The following PITPNC1 variants were observed in gnomAD, a reference collection of about 807,000 sequenced individuals.
PITPNC1 encodes phosphatidylinositol transfer protein cytoplasmic 1.
Under a neutral mutation model 44.7 loss-of-function variants are expected in PITPNC1, and 18 were observed. The ratio of observed to expected loss-of-function variants is 0.40; its 90% CI spans 0.28 to 0.60. PITPNC1 has a LOEUF of 0.60. Ranked by LOEUF, PITPNC1 falls within the 20% of genes least tolerant of loss-of-function variation. The probability of loss-of-function intolerance (pLI) is 0.39; values close to 1 mark genes in which losing one functional copy is unlikely to be tolerated. For synonymous variants in PITPNC1, 141 were observed against 149.6 expected, an observed-to-expected ratio of 0.94 and a Z score of 0.42; for missense variants, 290 against 418.4, an observed-to-expected ratio of 0.69 and a Z score of 2.68.
Position 67,543,208 on chromosome 17 carries a change from A to T in PITPNC1, c.198-9049A>T, listed in dbSNP as rs1323543255. On this transcript the variant is annotated intron_variant, in intron 2 of 8. Coordinates refer to ENST00000581322, the MANE Select transcript of PITPNC1 (RefSeq NM_012417.4). ...TCTTTAAGTAGAGCCAGATGGCGTC[A>T]TTCTGCCCTCATCACCCCCTACCTC... Among the ~76,000 whole-genome samples, 7 of 152,300 alleles carry T rather than the reference A, an allele frequency of 4.6e-5. No individual in the cohort carries two copies. In the East Asian group the frequency reaches 1.4e-3, roughly 29 times the overall value.
At chr17:67,577,599 A>T (rs973353322) in intron 4 of PITPNC1, among the ~76,000 whole-genome samples, 6 of 151,166 alleles carry the variant, frequency 4.0e-5, no homozygotes, top group African/African-American at 1.4e-4. Flanking sequence ...AATTAAAAAT[A>T]AAATTTAAAA....
intron 6 of PITPNC1, among the ~76,000 whole-genome samples, chr17:67,650,653 G>A (rs1481772698): frequency 6.6e-6 from 1 of 152,024 alleles, no homozygotes; most frequent in Non-Finnish European, 1.5e-5. Context: ...GTTTCACCAT[G>A]TTGGTCAGGC....
chr17:67,486,390 T>C lies in PITPNC1; in HGVS notation c.49-46412T>C, dbSNP rs117214219. On this transcript the variant is annotated intron_variant, in intron 1 of 8. Transcript: ENST00000581322. ...CTTAGCCTGCCTTTAATGAGTAATG[T>C]AGAAAAATAGACCTCTTCTTCCTCC... Among the ~76,000 whole-genome samples, 218 of 152,286 alleles carry C rather than the reference T, an allele frequency of 1.4e-3. 1 individual carries two copies. The highest frequency in any genetic ancestry group is 0.014 in the Middle Eastern group (4 of 294).
At chr17:67,391,278 A>G (rs753054562) in intron 1 of PITPNC1, among the ~76,000 whole-genome samples, 57 of 152,080 alleles carry the variant, frequency 3.7e-4, no homozygotes, top group Non-Finnish European at 1.2e-4. Flanking sequence ...ATGATACCCT[A>G]TAATAATGTT....
chr17:67,640,446 G>A (rs1247626848), intron 6 of PITPNC1, among the ~76,000 whole-genome samples: 1 of 151,982 alleles, frequency 6.6e-6, no homozygotes, highest in Non-Finnish European at 1.5e-5. Context: ...TTGGGAGGCC[G>A]AGGCAGGCGG....
intron 1 of PITPNC1, among the ~76,000 whole-genome samples, chr17:67,495,052 GTTTTTTTTTTTTTT>G: frequency 2.6e-5 from 1 of 38,586 alleles, no homozygotes; most frequent in East Asian, 7.6e-4. Flanking sequence ...TTTTTTTTTT[GTTTTTTTTTTTTTT>G]TTTTTTTTGA....
At chr17:67,647,461 T>TG (rs775756372) in intron 6 of PITPNC1, among the ~76,000 whole-genome samples, 2 of 106,598 alleles carry the variant, frequency 1.9e-5, no homozygotes, top group Admixed American at 1.1e-4. Flanking sequence ...CAGCTAATTT[T>TG]GGGTTTTTTT....
intron 4 of PITPNC1, among the ~76,000 whole-genome samples, chr17:67,575,623 G>A (rs2041130464): frequency 6.6e-6 from 1 of 152,062 alleles, no homozygotes; most frequent in Non-Finnish European, 1.5e-5. Context: ...CGTGGTCATT[G>A]TGCGGCTGAA....
chr17:67,674,501 C>CA (rs66932178), intron 7 of PITPNC1, among the ~76,000 whole-genome samples: 70,877 of 111,564 alleles, frequency 0.64, 23,746 homozygotes, highest in Non-Finnish European at 0.72. Flanking sequence ...AAGACTGTCT[C>CA]AAAAAAAAAA....
At chr17:67,675,632 A>G (rs1393458650) in intron 8 of PITPNC1, 90 bp downstream of exon 8, 1 of 854,374 alleles carries the variant, frequency 1.2e-6, no homozygotes, top group Non-Finnish European at 2.0e-6. Flanking sequence ...ACCTAGAAGG[A>G]CAACAACAAA....
At chr17:67,384,175 A>T (rs1567969624) in intron 1 of PITPNC1, among the ~76,000 whole-genome samples, 1 of 152,200 alleles carries the variant, frequency 6.6e-6, no homozygotes. Context: ...CACAATGCAG[A>T]AAAATAGAAA....
At chr17:67,672,800 G>A (rs184880184) in intron 7 of PITPNC1, among the ~76,000 whole-genome samples, 4 of 152,120 alleles carry the variant, frequency 2.6e-5, no homozygotes, top group Non-Finnish European at 5.9e-5. Flanking sequence ...ACCTGCTCTC[G>A]CACGTGAGTC....
intron 1 of PITPNC1, among the ~76,000 whole-genome samples, chr17:67,523,806 CGTTTTT>C (rs1199452332): frequency 3.1e-5 from 4 of 127,630 alleles, no homozygotes; most frequent in African/African-American, 8.8e-5. Context: ...ACATGGAAAC[CGTTTTT>C]TTTTTTTTTT....
At chr17:67,486,431 T>C (rs1219715236) in intron 1 of PITPNC1, among the ~76,000 whole-genome samples, 1 of 152,202 alleles carries the variant, frequency 6.6e-6, no homozygotes, top group Non-Finnish European at 1.5e-5. Context: ...CAAGTCTGTA[T>C]GTAGTCTTGC....
intron 1 of PITPNC1, among the ~76,000 whole-genome samples, chr17:67,499,513 G>A (rs186789187): frequency 2.0e-5 from 3 of 152,234 alleles, no homozygotes; most frequent in Non-Finnish European, 2.9e-5. Context: ...CACTGTGCCC[G>A]GCCAGCCTGA....
chr17:67,623,109 CAAAAAAAAAAAAAA>C (rs1198070826), intron 5 of PITPNC1, among the ~76,000 whole-genome samples: 1 of 85,292 alleles, frequency 1.2e-5, no homozygotes, highest in Non-Finnish European at 2.2e-5. Context: ...TCCCAAAAGC[CAAAAAAAAAAAAAA>C]AAAAAAAAAG....
At chr17:67,596,930 A>G (rs767044213) in intron 5 of PITPNC1, among the ~76,000 whole-genome samples, 7 of 151,080 alleles carry the variant, frequency 4.6e-5, no homozygotes, top group Non-Finnish European at 8.8e-5. Flanking sequence ...GTCTTCCTCT[A>G]TCACCCAGGC....
At chr17:67,428,344 A>C (rs2038802334) in intron 1 of PITPNC1, among the ~76,000 whole-genome samples, 1 of 151,958 alleles carries the variant, frequency 6.6e-6, no homozygotes, top group African/African-American at 2.4e-5. Context: ...TTCGAGACCA[A>C]CTTGGGCAAC....
chr17:67,533,252 C>A (rs2040487456), intron 2 of PITPNC1, among the ~76,000 whole-genome samples: 1 of 152,106 alleles, frequency 6.6e-6, no homozygotes, highest in South Asian at 2.1e-4. Flanking sequence ...CAGAGCAAGA[C>A]CCTGACTGTA....
Sources: allele counts gnomAD v4.1 joint callset (sites outside exome capture counted in the v4.1 genomes callset), GRCh38; gene constraint gnomAD v4.1.1; transcripts MANE v1.5; gene names NCBI Gene and HGNC (gene_info 2026-07-23, HGNC 2026-07-21).